Variants in FAM184A observed in about 807,000 individuals in gnomAD.
The protein encoded by FAM184A is family with sequence similarity 184 member A, also known as protein FAM184A.
Under a neutral mutation model 143.8 loss-of-function variants are expected in FAM184A, and 99 were observed. That is an observed-to-expected ratio of 0.69 (90% confidence interval 0.58 to 0.81). The LOEUF (loss-of-function observed/expected upper bound fraction) is 0.81, where lower values mean the gene tolerates loss of function less well. FAM184A is among the 40% of genes least tolerant of loss of function. The pLI is 0.00. For synonymous variants in FAM184A, 427 were observed against 446.4 expected (o/e 0.96, Z 0.55); for missense variants, 1,217 against 1,310.5 (o/e 0.93, Z 1.10).
chr6:119,077,487 T>C (rs1326525390), intron 1 of FAM184A, among the ~76,000 whole-genome samples: 1 of 152,218 alleles, frequency 6.6e-6, no homozygotes, highest in East Asian at 1.9e-4. Flanking sequence ...CTAATTTAGG[T>C]ACAGTCCTAA....
chr6:119,131,785 A>G (rs762821209), intron 1 of FAM184A, among the ~76,000 whole-genome samples: 6 of 150,798 alleles, frequency 4.0e-5, no homozygotes, highest in African/African-American at 9.8e-5. Context: ...GCCCAGCCTT[A>G]TACACTTTTA....
intron 1 of FAM184A, among the ~76,000 whole-genome samples, chr6:119,146,368 G>T (rs1772426549): frequency 1.3e-5 from 2 of 150,454 alleles, no homozygotes; most frequent in South Asian, 2.1e-4. Flanking sequence ...TATACCATCT[G>T]CTCTTCAGTG....
rs994823721 is a variant in FAM184A, at chr6:119,140,983, C to G, written c.-202+8095G>C. ...GGCGTTGACAACTGGAGATAAGCCA[C>G]CTGATGTTCTGTCTTCTGGGATATG... On this transcript the variant is annotated intron_variant, in intron 1 of 16. Coordinates refer to the FAM184A transcript ENST00000352896. Among the ~76,000 whole-genome samples, 56 of 152,162 alleles carry G rather than the reference C, an allele frequency of 3.7e-4. 1 individual carries two copies. The highest frequency in any genetic ancestry group is 1.3e-3 in the African/African-American group (52 of 41,436).
rs984091131 is a variant in FAM184A, at chr6:119,078,642, C to T, written c.-343G>A. 6 of 183,248 alleles carry T rather than the reference C, an allele frequency of 3.3e-5. No homozygotes were observed. The highest frequency in any genetic ancestry group is 5.6e-5 in the Non-Finnish European group (5 of 88,526). 11.4% of individuals were successfully genotyped at this position (183,248 alleles called of 1,614,324 possible). ...AGCTCCGCGGGTCCCGCTCGCAGCC[C>T]GCACCGAGGACTCGGCGAGGCTGCG... On this transcript the variant is annotated 5_prime_UTR_variant, in exon 1 of 18. Coordinates refer to ENST00000338891, the MANE Select transcript of FAM184A (RefSeq NM_024581.6). The surrounding 1 kb of genome is among the most constrained non-coding windows in gnomAD (Gnocchi z 5.5).
chr6:119,108,013 G>A (rs6569047), intron 1 of FAM184A, among the ~76,000 whole-genome samples: 2 of 151,526 alleles, frequency 1.3e-5, no homozygotes, highest in Admixed American at 1.3e-4. Flanking sequence ...TGTTCTATGC[G>A]TGACTAGGGT....
At chr6:118,980,388 A>G in intron 9 of FAM184A, 38 bp from the exon 10 acceptor site, 1 of 1,546,446 alleles carries the variant, frequency 6.5e-7, no homozygotes, top group Admixed American at 1.7e-5. Context: ...GAATAAATAC[A>G]AGGCATAGTT....
intron 1 of FAM184A, among the ~76,000 whole-genome samples, chr6:119,126,792 T>A (rs1205098987): frequency 2.6e-5 from 4 of 152,096 alleles, no homozygotes; most frequent in Non-Finnish European, 5.9e-5. Context: ...CACAAATGAA[T>A]TTAAGGATAG....
At chr6:119,008,973 T>C (rs1408861350) in intron 6 of FAM184A, among the ~76,000 whole-genome samples, 1 of 152,204 alleles carries the variant, frequency 6.6e-6, no homozygotes, top group Non-Finnish European at 1.5e-5. Flanking sequence ...TCTTGGTCTT[T>C]ATATACTAAT....
chr6:119,138,858 C>T (rs773493177), intron 1 of FAM184A, among the ~76,000 whole-genome samples: 14 of 152,168 alleles, frequency 9.2e-5, no homozygotes, highest in Non-Finnish European at 1.8e-4. Flanking sequence ...AACTCCTGCC[C>T]TCAGGTGATC....
At chr6:119,050,486 C>T (rs1786711796) in intron 1 of FAM184A, among the ~76,000 whole-genome samples, 2 of 142,926 alleles carry the variant, frequency 1.4e-5, no homozygotes, top group South Asian at 2.3e-4. Context: ...ATATACACCA[C>T]AGAACACTAT....
intron 1 of FAM184A, among the ~76,000 whole-genome samples, chr6:119,072,942 A>G (rs1038980395): frequency 6.6e-6 from 1 of 151,890 alleles, no homozygotes; most frequent in Non-Finnish European, 1.5e-5. Context: ...TTGCTGTATC[A>G]TTATGACCAC....
chr6:119,054,845 G>C (rs186699400), intron 1 of FAM184A, among the ~76,000 whole-genome samples: 2 of 134,796 alleles, frequency 1.5e-5, no homozygotes, highest in Admixed American at 1.6e-4. Flanking sequence ...TTTGAGTCTT[G>C]AGTAACTGAG....
chr6:119,098,286 G>A (rs539676087), intron 1 of FAM184A, among the ~76,000 whole-genome samples: 1 of 152,276 alleles, frequency 6.6e-6, no homozygotes, highest in African/African-American at 2.4e-5. Context: ...CAGCCACGTG[G>A]AACTGTGAGT....
chr6:119,113,464 T>C (rs1455042038), intron 1 of FAM184A, among the ~76,000 whole-genome samples: 1 of 151,094 alleles, frequency 6.6e-6, no homozygotes. Context: ...TCCTTTTTTT[T>C]CAACCTCACC....
intron 1 of FAM184A, among the ~76,000 whole-genome samples, chr6:119,090,188 G>A (rs1788331472): frequency 6.6e-6 from 1 of 152,212 alleles, no homozygotes; most frequent in South Asian, 2.1e-4. Flanking sequence ...GCCATTGAAG[G>A]ACACATTGTT....
At chr6:119,073,927 C>T (rs902689419) in intron 1 of FAM184A, among the ~76,000 whole-genome samples, 1 of 152,132 alleles carries the variant, frequency 6.6e-6, no homozygotes, top group Non-Finnish European at 1.5e-5. Flanking sequence ...CAAGTCCATG[C>T]AAGAGGGGTA....
intron 1 of FAM184A, among the ~76,000 whole-genome samples, chr6:119,040,900 T>G (rs1786303875): frequency 6.6e-6 from 1 of 152,224 alleles, no homozygotes; most frequent in Non-Finnish European, 1.5e-5. Flanking sequence ...TACTGATTTA[T>G]GTTTGAACTT....
chr6:119,108,804 C>A (rs950746672), intron 1 of FAM184A, among the ~76,000 whole-genome samples: 1 of 152,122 alleles, frequency 6.6e-6, no homozygotes, highest in South Asian at 2.1e-4. Flanking sequence ...ACCATTAAAG[C>A]TTTGAGTGGA....
At chr6:119,028,770 C>T (rs188745571) in intron 1 of FAM184A, among the ~76,000 whole-genome samples, 44 of 152,194 alleles carry the variant, frequency 2.9e-4, no homozygotes, top group African/African-American at 1.1e-3. Context: ...AGTGTGAACC[C>T]TCTACTTACT....
Sources: allele counts gnomAD v4.1 joint callset (sites outside exome capture counted in the v4.1 genomes callset), GRCh38; gene constraint gnomAD v4.1.1; non-coding constraint Gnocchi (gnomAD v3.1); transcripts MANE v1.5; gene names NCBI Gene and HGNC (gene_info 2026-07-23, HGNC 2026-07-21).